GRAMD1C: variants seen among roughly 807,000 people sequenced by gnomAD.
The protein encoded by GRAMD1C is protein Aster-C.
A neutral mutation model predicts 97.8 loss-of-function variants in GRAMD1C; 89 were observed. The observed-to-expected ratio is 0.91, with a 90% CI of 0.77 to 1.09. GRAMD1C has a LOEUF of 1.09. GRAMD1C is among the 50% of genes least tolerant of loss of function. The pLI is 0.00. For synonymous variants in GRAMD1C, 256 were observed against 267.0 expected, an observed-to-expected ratio of 0.96 and a Z score of 0.40; for missense variants, 740 against 766.4, an observed-to-expected ratio of 0.97 and a Z score of 0.41.
intron 2 of GRAMD1C, among the ~76,000 whole-genome samples, chr3:113,846,197 C>T (rs1933606488): frequency 1.3e-5 from 2 of 152,046 alleles, no homozygotes; most frequent in African/African-American, 4.8e-5. Context: ...ACCTCTGCCT[C>T]CTGGGTTCAA....
At chr3:113,841,256 A>G (rs1449056934) in intron 1 of GRAMD1C, among the ~76,000 whole-genome samples, 1 of 146,254 alleles carries the variant, frequency 6.8e-6, no homozygotes, top group Non-Finnish European at 1.5e-5. Context: ...AGGGATAATT[A>G]CTTTCACAAA....
intron 6 of GRAMD1C, among the ~76,000 whole-genome samples, chr3:113,888,999 G>A (rs1559796784): frequency 6.6e-6 from 1 of 152,124 alleles, no homozygotes. Flanking sequence ...TCGGGAGTTC[G>A]AGACCAGCCT....
At chr3:113,850,228 T>G in intron 2 of GRAMD1C, 1 of 569,398 alleles carries the variant, frequency 1.8e-6, no homozygotes, top group Non-Finnish European at 3.3e-6. Context: ...ATAATAATAC[T>G]CTCCAGTTTT....
intron 10 of GRAMD1C, among the ~76,000 whole-genome samples, chr3:113,924,696 C>T (rs1937176565): frequency 6.6e-6 from 1 of 152,040 alleles, no homozygotes; most frequent in South Asian, 2.1e-4. Flanking sequence ...ATTGTGTGGT[C>T]GATTTTTAGA....
upstream of GRAMD1C, among the ~76,000 whole-genome samples, chr3:113,836,859 G>T (rs1709638844): frequency 6.6e-6 from 1 of 152,002 alleles, no homozygotes; most frequent in Non-Finnish European, 1.5e-5. Flanking sequence ...GGCCAGGTTG[G>T]TCTCAAACTC....
intron 1 of GRAMD1C, among the ~76,000 whole-genome samples, chr3:113,828,483 G>A (rs556427412): frequency 6.6e-6 from 1 of 152,294 alleles, no homozygotes; most frequent in East Asian, 1.9e-4. Flanking sequence ...GATTTGTCAT[G>A]CAACTATAGT....
intron 9 of GRAMD1C, among the ~76,000 whole-genome samples, chr3:113,912,153 G>A (rs1420179126): frequency 1.3e-5 from 2 of 152,110 alleles, no homozygotes; most frequent in African/African-American, 4.8e-5. Context: ...ACTTCCTATG[G>A]TTAGAGTGAG....
intron 1 of GRAMD1C, among the ~76,000 whole-genome samples, chr3:113,843,060 T>TG (rs1419659001): frequency 1.4e-5 from 2 of 142,272 alleles, no homozygotes; most frequent in Non-Finnish European, 3.1e-5. Context: ...TTTTTTTTTT[T>TG]TTTTTTTTTT....
intron 1 of GRAMD1C, among the ~76,000 whole-genome samples, chr3:113,829,376 T>G (rs1338428738): frequency 6.6e-6 from 1 of 152,188 alleles, no homozygotes; most frequent in Admixed American, 6.6e-5. Context: ...TCCAGAAGGT[T>G]AAGACTGCAG....
chr3:113,917,392 C>T (rs1185159245), intron 10 of GRAMD1C, among the ~76,000 whole-genome samples: 2 of 152,026 alleles, frequency 1.3e-5, no homozygotes, highest in African/African-American at 4.8e-5. Context: ...GGTGCGATCT[C>T]GGCTCACTGC....
rs57111769 is a variant in GRAMD1C at position 113,927,277 on chromosome 3, C to T, written c.1091-3437C>T. On this transcript the variant is annotated intron_variant, in intron 10 of 17. Coordinates refer to ENST00000358160, the MANE Select transcript of GRAMD1C (RefSeq NM_017577.5). ...AAAAGGGAAAGTGATGACCCCCTAC[C>T]CTGGTTGGCTCTTGGGCCTTGGAGG... is the stretch of plus-strand genomic sequence containing the variant. Among the ~76,000 whole-genome samples the T allele has an allele frequency of 1.8e-3, 276 of 152,182 alleles. 2 individuals carry two copies. The highest frequency in any genetic ancestry group is 6.4e-3 in the African/African-American group (264 of 41,528).
chr3:113,940,461 G>C (rs2029228), intron 17 of GRAMD1C, 116 bp downstream of exon 17: 176,293 of 609,680 alleles, frequency 0.29, 27,775 homozygotes, highest in Middle Eastern at 0.39. Context: ...CCCCCTGCTA[G>C]AGCCAACTAC....
rs115586630 is a variant in GRAMD1C, at chr3:113,876,542, T to A, written c.459+282T>A. The stretch of plus-strand genomic sequence containing the variant: ...TCCTTATTTCTAAATACTCTAATAA[T>A]CCCATGAGTATTTTTCAGTCAGTAA... On this transcript the variant is annotated intron_variant, in intron 5 of 17. Coordinates refer to ENST00000358160, the MANE Select transcript of GRAMD1C (RefSeq NM_017577.5). Among the ~76,000 whole-genome samples the A allele has an allele frequency of 1.9e-3, 284 of 152,306 alleles. 2 individuals are homozygous for A. The highest frequency in any genetic ancestry group is 3.4e-3 in the Middle Eastern group (1 of 294).
At chr3:113,889,199 T>A (rs1408964221) in intron 6 of GRAMD1C, among the ~76,000 whole-genome samples, 4 of 151,066 alleles carry the variant, frequency 2.6e-5, no homozygotes, top group Non-Finnish European at 4.4e-5. Flanking sequence ...AAACTCCTTC[T>A]AAAAAAAAAC....
intron 8 of GRAMD1C, among the ~76,000 whole-genome samples, chr3:113,905,142 A>C (rs888159393): frequency 6.6e-6 from 1 of 152,112 alleles, no homozygotes; most frequent in Non-Finnish European, 1.5e-5. Context: ...CCAACACTTC[A>C]GTTTTTTATT....
chr3:113,940,473 C>T (rs185188065), intron 17 of GRAMD1C, 128 bp downstream of exon 17: 17 of 590,698 alleles, frequency 2.9e-5, no homozygotes, highest in Admixed American at 2.4e-4. Context: ...GCCAACTACC[C>T]CTGCCAGTCT....
chr3:113,876,099 A>T (rs1181043583), intron 4 of GRAMD1C, 66 bp from the exon 5 acceptor site: 2 of 743,990 alleles, frequency 2.7e-6, no homozygotes, highest in Admixed American at 4.3e-5. Flanking sequence ...GATTGATGGG[A>T]TACTTGGCAT....
intron 15 of GRAMD1C, chr3:113,938,909 A>T (rs990399889): frequency 2.0e-5 from 3 of 152,160 alleles, no homozygotes; most frequent in Non-Finnish European, 4.4e-5. Flanking sequence ...AGATTTCAGA[A>T]CATAGAAGAT....
chr3:113,941,147 T>C (rs1937756399), intron 17 of GRAMD1C, among the ~76,000 whole-genome samples: 1 of 152,358 alleles, frequency 6.6e-6, no homozygotes, highest in South Asian at 2.1e-4. Flanking sequence ...GAAGAGAATT[T>C]GGAGGTAAAT....
Sources: allele counts gnomAD v4.1 joint callset (sites outside exome capture counted in the v4.1 genomes callset), GRCh38; gene constraint gnomAD v4.1.1; transcripts MANE v1.5; gene names NCBI Gene and HGNC (gene_info 2026-07-23, HGNC 2026-07-21).